The following TNKS variants were observed in gnomAD, a reference collection of about 807,000 sequenced individuals.
TNKS encodes the protein tankyrase, also known as poly [ADP-ribose] polymerase tankyrase-1.
TNKS carries 72 observed loss-of-function variants against 135.8 expected under a neutral mutation model. That is an observed-to-expected ratio of 0.53 (90% confidence interval 0.44 to 0.64). TNKS has a LOEUF of 0.64. TNKS is among the 30% of genes least tolerant of loss of function. TNKS has a pLI of 0.00. For missense variants in TNKS, 1,769 were observed against 1,674.0 expected (o/e 1.06, Z -0.99); for synonymous variants, 849 against 649.3 (o/e 1.31, Z -4.68).
intron 11 of TNKS, among the ~76,000 whole-genome samples, chr8:9,712,539 A>G (rs1367327191): frequency 2.6e-5 from 4 of 152,302 alleles, no homozygotes; most frequent in East Asian, 3.9e-4. Context: ...CACAATTTTT[A>G]TAAGTTTTTT....
At chr8:9,583,162 C>G (rs60627385) in intron 2 of TNKS, among the ~76,000 whole-genome samples, 2,473 of 117,382 alleles carry the variant, frequency 0.021, 79 homozygotes, top group African/African-American at 0.073. Flanking sequence ...GAGACTCTGT[C>G]TCAAAAAAAA....
rs1807441191 is a variant in TNKS at position 9,766,266 on chromosome 8, A to G, written c.3581A>G (p.His1194Arg). Residue 1194 changes from histidine (H) to arginine (R), a missense_variant, in exon 25 of 27, where the codon CAT becomes CGT. By Grantham distance (29) the His-to-Arg change is conservative. Coordinates refer to ENST00000310430, the MANE Select transcript of TNKS (RefSeq NM_003747.3). ...HGSPFINAII[H>R]KGFDERHAYI... is the part of the protein sequence containing the mutation. ...TCTCCTTTCATTAATGCCATTATTCATAAAGGGTTTGATGAGCGACATGCA... is the reference window on the plus strand; with the variant it reads ...TCTCCTTTCATTAATGCCATTATTCGTAAAGGGTTTGATGAGCGACATGCA... 1 of 1,611,816 alleles carries G rather than the reference A, an allele frequency of 6.2e-7. No homozygotes were observed. The highest frequency in any genetic ancestry group is 8.5e-7 in the Non-Finnish European group (1 of 1,179,040).
At chr8:9,772,819 G>C (rs925494986) in intron 26 of TNKS, among the ~76,000 whole-genome samples, 11 of 79,768 alleles carry the variant, frequency 1.4e-4, no homozygotes, top group East Asian at 3.2e-4. Context: ...TTGTGTGTGT[G>C]TGTGTGTGTG....
chr8:9,758,814 C>T (rs906365868), intron 20 of TNKS, among the ~76,000 whole-genome samples: 1 of 152,238 alleles, frequency 6.6e-6, no homozygotes, highest in Non-Finnish European at 1.5e-5. Flanking sequence ...ACCGCAAACT[C>T]AGCAGCTCAA....
chr8:9,556,671 G>T (rs751846363), intron 1 of TNKS, 59 bp downstream of exon 1: 2 of 1,597,480 alleles, frequency 1.3e-6, no homozygotes, highest in Admixed American at 3.3e-5. Context: ...GGTCCGGTTA[G>T]GACAAGAAAA....
chr8:9,584,551 G>C (rs2129054253), intron 2 of TNKS, among the ~76,000 whole-genome samples: 1 of 152,250 alleles, frequency 6.6e-6, no homozygotes, highest in African/African-American at 2.4e-5. Context: ...GTGTTTCTAA[G>C]GTTGGTCCTC....
chr8:9,732,942 G>T (rs1460982189), intron 14 of TNKS, among the ~76,000 whole-genome samples: 2 of 152,040 alleles, frequency 1.3e-5, no homozygotes, highest in Non-Finnish European at 2.9e-5. Context: ...TTTTACCAAG[G>T]TAGAACTTGC....
intron 5 of TNKS, 91 bp downstream of exon 5, chr8:9,680,891 T>C (rs930151992): frequency 1.1e-6 from 1 of 874,424 alleles, no homozygotes. Flanking sequence ...TATACCTACA[T>C]GGCTTTATTT....
intron 17 of TNKS, among the ~76,000 whole-genome samples, chr8:9,744,313 C>T (rs569552648): frequency 5.3e-5 from 8 of 152,292 alleles, no homozygotes; most frequent in African/African-American, 1.9e-4. Flanking sequence ...AAATTTATAT[C>T]TTATAAGAGT....
At chr8:9,619,227 A>G (rs1234806944) in intron 3 of TNKS, among the ~76,000 whole-genome samples, 1 of 152,190 alleles carries the variant, frequency 6.6e-6, no homozygotes, top group Non-Finnish European at 1.5e-5. Context: ...GCTGCGCTGC[A>G]TGTGGTATTA....
chr8:9,741,758 G>C (rs928474284), intron 17 of TNKS: 4 of 521,002 alleles, frequency 7.7e-6, no homozygotes, highest in Admixed American at 3.9e-5. Context: ...GCGTAATGTA[G>C]AGTACTGGTC....
intron 17 of TNKS, among the ~76,000 whole-genome samples, chr8:9,747,248 T>TC (rs1322747957): frequency 6.7e-6 from 1 of 149,722 alleles, no homozygotes; most frequent in East Asian, 2.0e-4. Context: ...TCTTCCAGAT[T>TC]CCCCCCTCCT....
rs763755664 is a variant in TNKS, at chr8:9,748,045, T to C, written c.2665T>C (p.Leu889=). Residue 889 remains leucine, a synonymous_variant, in exon 18 of 27, where the codon TTG becomes CTG. Transcript: ENST00000310430. ...SYGHVDIAAL[L]IKYNTCVNAT... ...TCAGCATGTTGACATAGCGGCTTTA[T>C]TGATAAAATACAACACGTGTGTAAA... The C allele has an allele frequency of 6.2e-6, 10 of 1,608,338 alleles. No homozygotes were observed. The Admixed American group carries it at 1.5e-4, about 25-fold the overall frequency.
At chr8:9,744,658 A>G (rs117216148) in intron 17 of TNKS, among the ~76,000 whole-genome samples, 1,784 of 152,316 alleles carry the variant, frequency 0.012, 18 homozygotes, top group Non-Finnish European at 0.016. Context: ...CTTTGCTCTT[A>G]TATACTGTGT....
chr8:9,729,959 T>C (rs1213361719), intron 13 of TNKS, among the ~76,000 whole-genome samples: 2 of 151,960 alleles, frequency 1.3e-5, no homozygotes, highest in Non-Finnish European at 2.9e-5. Context: ...GTATTTTTAG[T>C]AGAGATGAGG....
At chr8:9,694,693 C>T (rs563269550) in intron 5 of TNKS, among the ~76,000 whole-genome samples, 209 of 149,292 alleles carry the variant, frequency 1.4e-3, no homozygotes, top group African/African-American at 5.0e-3. Context: ...ACTTAGGAGG[C>T]GGAGGCTGCA....
At chr8:9,704,926 A>G (rs1803979823) in intron 6 of TNKS, among the ~76,000 whole-genome samples, 169 bp downstream of exon 6, 1 of 152,212 alleles carries the variant, frequency 6.6e-6, no homozygotes, top group African/African-American at 2.4e-5. Flanking sequence ...TACTTAATTA[A>G]GGATACTTCT....
chr8:9,656,725 G>C (rs1019339192), intron 3 of TNKS, among the ~76,000 whole-genome samples: 1 of 150,908 alleles, frequency 6.6e-6, no homozygotes, highest in Middle Eastern at 3.4e-3. Flanking sequence ...AGATAAACAA[G>C]TGAACAAAGG....
At chr8:9,659,179 G>C (rs546661608) in intron 3 of TNKS, among the ~76,000 whole-genome samples, 123 of 152,244 alleles carry the variant, frequency 8.1e-4, no homozygotes, top group African/African-American at 2.8e-3. Flanking sequence ...AGATCAAGAA[G>C]ACAGAAAGTT....
Sources: gnomAD v4.1 joint callset for allele counts (sites outside exome capture counted in the v4.1 genomes callset) on GRCh38, gnomAD v4.1.1 for gene constraint, MANE v1.5 for transcripts, NCBI Gene and HGNC (gene_info 2026-07-23, HGNC 2026-07-21) for gene names.